Variants in CPNE8 observed in about 807,000 individuals in gnomAD.
CPNE8 encodes the protein copine-8.
Under a neutral mutation model 81.5 loss-of-function variants are expected in CPNE8, and 45 were observed. The observed-to-expected ratio is 0.55, with a 90% CI of 0.44 to 0.71. The LOEUF is 0.71. Among genes scored for constraint, CPNE8 ranks in the 30% least tolerant of loss-of-function variants. CPNE8 has a pLI of 0.00. For synonymous variants in CPNE8, 252 were observed against 226.3 expected (o/e 1.11, Z -1.02); for missense variants, 594 against 672.1 (o/e 0.88, Z 1.28).
intron 1 of CPNE8, among the ~76,000 whole-genome samples, chr12:38,874,960 G>A (rs1944046596): frequency 6.6e-6 from 1 of 152,126 alleles, no homozygotes; most frequent in Non-Finnish European, 1.5e-5. Flanking sequence ...GAATACAGTT[G>A]TGAAGCAGCA....
At chr12:38,808,395 A>G (rs1003708152) in intron 6 of CPNE8, among the ~76,000 whole-genome samples, 1 of 152,114 alleles carries the variant, frequency 6.6e-6, no homozygotes, top group South Asian at 2.1e-4. Flanking sequence ...AAAATGTGGC[A>G]CATATACACC....
chr12:38,654,168 T>C, intron 19 of CPNE8, 98 bp from the exon 20 acceptor site: 1 of 1,388,396 alleles, frequency 7.2e-7, no homozygotes, highest in South Asian at 1.7e-5. Context: ...CATAGGAAAA[T>C]CAGGGAATCT....
intron 4 of CPNE8, among the ~76,000 whole-genome samples, chr12:38,846,520 A>T (rs942356536): frequency 6.6e-6 from 1 of 152,076 alleles, no homozygotes; most frequent in African/African-American, 2.4e-5. Context: ...GCAGGTCATG[A>T]CTGTTCTTTA....
chr12:38,674,353 TGA>T (rs1219759839), intron 18 of CPNE8, among the ~76,000 whole-genome samples: 1 of 152,256 alleles, frequency 6.6e-6, no homozygotes, highest in East Asian at 1.9e-4. Context: ...CATAGGAGTC[TGA>T]GAGACCTGAG....
At chr12:38,837,209 G>A (rs117248717) in intron 5 of CPNE8, among the ~76,000 whole-genome samples, 2,213 of 152,196 alleles carry the variant, frequency 0.015, 19 homozygotes, top group South Asian at 0.024. Flanking sequence ...AGAAGGAATA[G>A]GACTTGGTGG....
chr12:38,696,068 TA>T (rs1032250097), intron 14 of CPNE8, among the ~76,000 whole-genome samples: 2 of 152,194 alleles, frequency 1.3e-5, no homozygotes, highest in East Asian at 1.9e-4. Context: ...AAACTGTAAA[TA>T]AAAAAATATA....
chr12:38,810,314 G>A (rs1384140997), intron 6 of CPNE8, among the ~76,000 whole-genome samples: 1 of 152,164 alleles, frequency 6.6e-6, no homozygotes, highest in Non-Finnish European at 1.5e-5. Context: ...ATAGTTGAGA[G>A]TGTCTAGAGA....
In CPNE8 at chr12:38,872,051, C is replaced by T. The variant is rs138269883; in HGVS notation, c.186+953G>A. On this transcript the variant is annotated intron_variant, in intron 3 of 19. Transcript: ENST00000331366. ...TCGGGAGGCTGAGGCAGGAGAATCGCTTGAACCTGGAAGGCAGAGGTTGCA... is the reference window on the plus strand; with the variant it reads ...TCGGGAGGCTGAGGCAGGAGAATCGTTTGAACCTGGAAGGCAGAGGTTGCA... Among the ~76,000 whole-genome samples, 1,106 of 152,178 alleles carry T rather than the reference C, an allele frequency of 7.3e-3. 18 individuals are homozygous for T. The highest frequency in any genetic ancestry group is 0.025 in the African/African-American group (1,054 of 41,530).
At chr12:38,781,132 T>C (rs1467719151) in intron 6 of CPNE8, among the ~76,000 whole-genome samples, 2 of 151,966 alleles carry the variant, frequency 1.3e-5, no homozygotes, top group African/African-American at 2.4e-5. Context: ...GTTTAAAAAC[T>C]TCAAAGAAAC....
At chr12:38,654,692 G>C (rs143158219) in intron 19 of CPNE8, among the ~76,000 whole-genome samples, 1 of 151,886 alleles carries the variant, frequency 6.6e-6, no homozygotes, top group Non-Finnish European at 1.5e-5. Flanking sequence ...TGCAGTTTTA[G>C]GTTCTATACC....
chr12:38,809,470 T>G (rs910522515), intron 6 of CPNE8, among the ~76,000 whole-genome samples: 2 of 152,150 alleles, frequency 1.3e-5, no homozygotes, highest in African/African-American at 4.8e-5. Flanking sequence ...TATCTTAAGG[T>G]CAGCTAATTA....
chr12:38,896,296 C>T (rs1222222815), intron 1 of CPNE8, among the ~76,000 whole-genome samples: 1 of 151,980 alleles, frequency 6.6e-6, no homozygotes, highest in Non-Finnish European at 1.5e-5. Flanking sequence ...TGACAAAAAC[C>T]CTCACAATTT....
At chr12:38,763,581 T>G (rs1017441202) in intron 8 of CPNE8, among the ~76,000 whole-genome samples, 1 of 152,166 alleles carries the variant, frequency 6.6e-6, no homozygotes, top group Admixed American at 6.5e-5. Flanking sequence ...CAATTCACAA[T>G]ATGGGGCAGA....
chr12:38,848,568 C>G lies in CPNE8; in HGVS notation c.281G>C (p.Arg94Pro). ...DYFFEERENL[R>P]FDLYDVDSKS... is the part of the protein sequence containing the mutation. ...TTTTAGTAGAACTTACAAGTCAAAA[C>G]GAAGATTCTCTCTTTCTTCAAAAAA... The change falls in exon 4 of 20, where the codon CGT becomes CCT. Residue 94 changes from arginine to proline, a missense_variant. Coordinates refer to ENST00000331366, the MANE Select transcript of CPNE8 (RefSeq NM_153634.3). The G allele has an allele frequency of 6.4e-7, 1 of 1,570,492 alleles. No homozygotes were observed. Among genetic ancestry groups the G allele is most frequent in the Non-Finnish European group, 8.6e-7 (1 of 1,166,598 alleles).
intron 14 of CPNE8, among the ~76,000 whole-genome samples, chr12:38,698,982 T>C (rs779544664): frequency 7.2e-5 from 11 of 152,344 alleles, no homozygotes; most frequent in Non-Finnish European, 1.5e-4. Context: ...AATTTCCATA[T>C]GAATTTCTTC....
intron 11 of CPNE8, among the ~76,000 whole-genome samples, chr12:38,725,296 G>A (rs941860627): frequency 6.6e-6 from 1 of 152,128 alleles, no homozygotes; most frequent in Non-Finnish European, 1.5e-5. Flanking sequence ...ATCATCCAAT[G>A]TGTGAATATT....
chr12:38,737,544 A>AT (rs1457365395), intron 10 of CPNE8, among the ~76,000 whole-genome samples: 4 of 151,964 alleles, frequency 2.6e-5, no homozygotes, highest in Admixed American at 6.6e-5. Context: ...AGTACTTTCT[A>AT]TTTTTTTACT....
intron 6 of CPNE8, among the ~76,000 whole-genome samples, chr12:38,790,231 C>G (rs1489360930): frequency 3.3e-5 from 5 of 151,624 alleles, no homozygotes. Context: ...AAATGTGATA[C>G]TGATCATAAT....
intron 6 of CPNE8, among the ~76,000 whole-genome samples, chr12:38,790,815 T>C (rs1192603621): frequency 6.6e-6 from 1 of 151,760 alleles, no homozygotes; most frequent in African/African-American, 2.4e-5. Context: ...AAATGACCTT[T>C]GAGAGACTGG....
Sources: gnomAD v4.1 joint callset for allele counts (sites outside exome capture counted in the v4.1 genomes callset) on GRCh38, gnomAD v4.1.1 for gene constraint, MANE v1.5 for transcripts, NCBI Gene and HGNC (gene_info 2026-07-23, HGNC 2026-07-21) for gene names.